DNAAF11: variants seen among roughly 807,000 people sequenced by gnomAD.
The protein encoded by DNAAF11 is dynein axonemal assembly factor 11.
In DNAAF11, 45 loss-of-function variants were observed where a neutral mutation model predicts 60.8. The observed-to-expected ratio is 0.74, with a 90% CI of 0.58 to 0.95. DNAAF11 has a LOEUF of 0.95. Ranked by LOEUF, DNAAF11 falls within the 40% of genes least tolerant of loss-of-function variation. The pLI, the probability that DNAAF11 is intolerant of heterozygous loss-of-function variation, is 0.00. For missense variants in DNAAF11, 546 were observed against 546.2 expected (o/e 1.00, Z 0.00); for synonymous variants, 191 against 183.5 (o/e 1.04, Z -0.33).
rs1229443419 is a variant in DNAAF11, at chr8:132,675,472, AG to A, written c.10+11del. ...GGGAACGATCGAGGACGGAAGGTGG[AG>A]GGGGGCTTACTCCAGCCCATGGCGC... On this transcript the variant is annotated intron_variant, in intron 1 of 11. Transcript: ENST00000620350. 6.4e-7 allele frequency: 1 copy of A among 1,564,470 alleles called. No individual in the cohort carries two copies. Among genetic ancestry groups the A allele is most frequent in the South Asian group, 1.2e-5 (1 of 86,270 alleles).
chr8:132,651,248 C>T (rs1822981070), intron 3 of DNAAF11, among the ~76,000 whole-genome samples: 1 of 151,352 alleles, frequency 6.6e-6, no homozygotes, highest in South Asian at 2.1e-4. Flanking sequence ...CTTTATTCTA[C>T]CCTGGTGAAT....
chr8:132,695,832 G>A, the DNAAF11 span, among the ~76,000 whole-genome samples: 9 of 152,190 alleles, frequency 5.9e-5, no homozygotes, highest in South Asian at 4.2e-4. Flanking sequence ...AGTTTAACCC[G>A]GAAAGTACAA....
chr8:132,674,084 G>GGAGGAGGAA (rs1389708500), intron 1 of DNAAF11, among the ~76,000 whole-genome samples: 37 of 146,316 alleles, frequency 2.5e-4, no homozygotes, highest in African/African-American at 7.5e-4. Flanking sequence ...AGGAGGAGCA[G>GGAGGAGGAA]GAGGAGGAGG....
chr8:132,586,639 A>G (rs1212968647), intron 10 of DNAAF11, among the ~76,000 whole-genome samples: 1 of 152,128 alleles, frequency 6.6e-6, no homozygotes, highest in Non-Finnish European at 1.5e-5. Flanking sequence ...ACTCTCATGT[A>G]AGTGTGAGAA....
At chr8:132,677,819 T>C (rs1307714211), upstream of DNAAF11, among the ~76,000 whole-genome samples, 1 of 152,132 alleles carries the variant, frequency 6.6e-6, no homozygotes, top group Non-Finnish European at 1.5e-5. Flanking sequence ...CATTGCTGCA[T>C]TCTTCTGAGG....
upstream of DNAAF11, among the ~76,000 whole-genome samples, chr8:132,678,106 G>A (rs1012855607): frequency 2.6e-4 from 37 of 141,976 alleles, no homozygotes; most frequent in African/African-American, 1.1e-3. Flanking sequence ...AGAGTGATGA[G>A]AAAGAAAATA....
upstream of DNAAF11, among the ~76,000 whole-genome samples, chr8:132,678,504 T>C (rs534936993): frequency 6.7e-4 from 102 of 152,286 alleles, no homozygotes; most frequent in African/African-American, 2.4e-3. Context: ...GGTTTCAGTC[T>C]TCAACCTTGG....
the DNAAF11 span, chr8:132,687,726 A>G: frequency 2.2e-6 from 1 of 455,510 alleles, no homozygotes; most frequent in South Asian, 1.6e-5. Flanking sequence ...TCAGGGCCTG[A>G]ACTCAAATCT....
Position 132,649,050 on chromosome 8 carries a change from G to A in DNAAF11, c.256+7780C>T, listed in dbSNP as rs541809134. On this transcript the variant is annotated intron_variant, in intron 3 of 11. Coordinates refer to ENST00000620350, the MANE Select transcript of DNAAF11 (RefSeq NM_012472.6). ...TTTTTATGGAACCAAAAAAGAGCCC[G>A]CATTGCCAAGACAATCCTAAGCAAA... Among the ~76,000 whole-genome samples, 592 of 152,176 alleles carry A rather than the reference G, an allele frequency of 3.9e-3. 1 individual carries two copies. The highest frequency in any genetic ancestry group is 3.4e-3 in the Non-Finnish European group (234 of 68,014).
At chr8:132,687,260 A>G in the DNAAF11 span, among the ~76,000 whole-genome samples, 1 of 152,208 alleles carries the variant, frequency 6.6e-6, no homozygotes, top group East Asian at 1.9e-4. Context: ...GCCTGCTTAC[A>G]TGAGTGATCA....
chr8:132,592,260 C>T (rs781731183), intron 10 of DNAAF11, among the ~76,000 whole-genome samples: 12 of 152,170 alleles, frequency 7.9e-5, no homozygotes, highest in South Asian at 2.1e-4. Flanking sequence ...AGAGAATAAA[C>T]GCAGCTTGCT....
intron 11 of DNAAF11, chr8:132,578,534 C>T (rs1815000710): frequency 7.1e-7 from 1 of 1,404,282 alleles, no homozygotes; most frequent in South Asian, 1.2e-5. Flanking sequence ...ACAAAATCAA[C>T]AGATTTAACA....
At chr8:132,643,794 A>G (rs1158320727) in intron 3 of DNAAF11, 4 of 448,134 alleles carry the variant, frequency 8.9e-6, no homozygotes, top group Non-Finnish European at 1.8e-5. Context: ...TAGAAGAAGC[A>G]AAGGGAATTG....
chr8:132,630,438 T>C (rs987727466), intron 5 of DNAAF11, among the ~76,000 whole-genome samples: 1 of 151,842 alleles, frequency 6.6e-6, no homozygotes, highest in Non-Finnish European at 1.5e-5. Flanking sequence ...ACCCTATACA[T>C]TGGCAAAGGT....
rs368194147 is a variant in DNAAF11 at position 132,571,517 on chromosome 8, A to C, written c.*789T>G. Among the ~76,000 whole-genome samples the C allele has an allele frequency of 9.5e-4, 145 of 152,008 alleles. 1 individual carries two copies. The highest frequency in any genetic ancestry group is 3.4e-3 in the African/African-American group (140 of 41,480). ...AGTAAAAAGGTGAAGAAAAAGAATA[A>C]GGGGAGAAAAGTAATTGGGGAGGGA... is the stretch of plus-strand genomic sequence containing the variant. On this transcript the variant is annotated 3_prime_UTR_variant, in exon 12 of 12. Coordinates refer to ENST00000620350, the MANE Select transcript of DNAAF11 (RefSeq NM_012472.6).
At chr8:132,605,669 T>C (rs914657527) in intron 10 of DNAAF11, among the ~76,000 whole-genome samples, 21 of 152,202 alleles carry the variant, frequency 1.4e-4, no homozygotes, top group African/African-American at 5.1e-4. Flanking sequence ...ACAGGAGATT[T>C]AGAATACAGC....
At chr8:132,613,753 C>T (rs1386854093) in intron 8 of DNAAF11, among the ~76,000 whole-genome samples, 21 of 152,190 alleles carry the variant, frequency 1.4e-4, no homozygotes, top group Admixed American at 8.5e-4. Context: ...CTGGCTCCTT[C>T]GGTCCCTGTT....
At chr8:132,595,772 C>T (rs55812220) in intron 10 of DNAAF11, among the ~76,000 whole-genome samples, 2,309 of 151,838 alleles carry the variant, frequency 0.015, 24 homozygotes, top group Non-Finnish European at 0.025. Flanking sequence ...CAACTATAAA[C>T]GAAAAAGTAA....
the DNAAF11 span, among the ~76,000 whole-genome samples, chr8:132,693,567 C>A: frequency 6.6e-6 from 1 of 151,682 alleles, no homozygotes; most frequent in Non-Finnish European, 1.5e-5. Flanking sequence ...GAGTGCCTGC[C>A]CTCAAGAAGC....
Sources: gnomAD v4.1 joint callset for allele counts (sites outside exome capture counted in the v4.1 genomes callset) on GRCh38, gnomAD v4.1.1 for gene constraint, MANE v1.5 for transcripts, NCBI Gene and HGNC (gene_info 2026-07-23, HGNC 2026-07-21) for gene names.